The following RFLNA variants were observed in gnomAD, a reference collection of about 807,000 sequenced individuals.
RFLNA encodes the protein refilin-A.
RFLNA carries 5 observed loss-of-function variants against 7.8 expected under a neutral mutation model. The ratio of observed to expected loss-of-function variants is 0.64; its 90% confidence interval spans 0.34 to 1.35. The LOEUF (loss-of-function observed/expected upper bound fraction) is 1.35. RFLNA is among the 40% of genes most tolerant of loss of function. RFLNA has a pLI of 0.04. For missense variants in RFLNA, 278 were observed against 305.5 expected, an observed-to-expected ratio of 0.91 and a Z score of 0.67; for synonymous variants, 141 against 131.3, an observed-to-expected ratio of 1.07 and a Z score of -0.50.
intron 1 of RFLNA, among the ~76,000 whole-genome samples, chr12:124,303,055 G>GA (rs2034073713): frequency 6.6e-6 from 1 of 152,184 alleles, no homozygotes. Flanking sequence ...GCTCCTGGGT[G>GA]AAAGCTCATG....
At chr12:124,313,414 C>T (rs1036717801) in intron 2 of RFLNA, among the ~76,000 whole-genome samples, 3 of 152,196 alleles carry the variant, frequency 2.0e-5, no homozygotes, top group African/African-American at 7.2e-5. Flanking sequence ...CGTGGTGGCT[C>T]ATGCCTGTAA....
chr12:124,294,739 A>G (rs916097408), upstream of RFLNA, among the ~76,000 whole-genome samples: 9 of 152,256 alleles, frequency 5.9e-5, no homozygotes, highest in African/African-American at 1.9e-4. Context: ...TACAGAGAAA[A>G]AGAAAACTCT....
upstream of RFLNA, among the ~76,000 whole-genome samples, chr12:124,291,255 T>A (rs1490547889): frequency 6.6e-6 from 1 of 152,170 alleles, no homozygotes; most frequent in Non-Finnish European, 1.5e-5. Context: ...ATCTTTTATT[T>A]TATTAATTTA....
Position 124,302,813 on chromosome 12 carries a change from GGGGCCGAGGTCAGGGGCCGAGGTCAGA to G in RFLNA, c.207+7204_207+7230del, listed in dbSNP as rs1481037731. Among the ~76,000 whole-genome samples, 456 of 68,404 alleles carry G rather than the reference GGGGCCGAGGTCAGGGGCCGAGGTCAGA, an allele frequency of 6.7e-3. 5 individuals are homozygous for G. The highest frequency in any genetic ancestry group is 0.018 in the African/African-American group (435 of 24,102). 44.9% of individuals were successfully genotyped at this position (68,404 alleles called of 152,430 possible). ...GGGCCGAGGTCAGGGGCTGAGGTCA[GGGGCCGAGGTCAGGGGCCGAGGTCAGA>G]GGGCCGAGGTCAGGGGCCGAGGTCA... On this transcript the variant is annotated intron_variant, in intron 1 of 2. Coordinates refer to ENST00000546355, the MANE Select transcript of RFLNA (RefSeq NM_001365156.1).
At chr12:124,309,413 C>T (rs2034197354) in intron 1 of RFLNA, among the ~76,000 whole-genome samples, 1 of 152,220 alleles carries the variant, frequency 6.6e-6, no homozygotes, top group Admixed American at 6.5e-5. Flanking sequence ...CTGTTTGCCA[C>T]CATGGCAGCA....
At chr12:124,310,569 G>A (rs906962800) in intron 1 of RFLNA, among the ~76,000 whole-genome samples, 2 of 147,568 alleles carry the variant, frequency 1.4e-5, no homozygotes, top group Admixed American at 6.7e-5. Context: ...ACTTTCTGTT[G>A]AGGAGCAGGA....
intron 1 of RFLNA, among the ~76,000 whole-genome samples, chr12:124,303,609 C>G (rs1477919624): frequency 6.6e-6 from 1 of 152,202 alleles, no homozygotes; most frequent in African/African-American, 2.4e-5. Flanking sequence ...ACTTGTTCTC[C>G]CCTGTCCCAA....
chr12:124,296,261 G>C (rs2033925463), intron 1 of RFLNA, among the ~76,000 whole-genome samples: 1 of 146,268 alleles, frequency 6.8e-6, no homozygotes, highest in African/African-American at 2.5e-5. Context: ...AAGGCATGTT[G>C]ACGTGGAGCT....
chr12:124,304,529 CG>C (rs1566325300), intron 1 of RFLNA, among the ~76,000 whole-genome samples: 1 of 152,236 alleles, frequency 6.6e-6, no homozygotes, highest in Non-Finnish European at 1.5e-5. Context: ...TCGGCGCCCA[CG>C]TTCCAGGTGT....
chr12:124,314,263 C>T lies in RFLNA; in HGVS notation c.389C>T (p.Thr130Ile). The T allele has an allele frequency of 6.2e-7, 1 of 1,613,716 alleles. No individual in the cohort carries two copies. The highest frequency in any genetic ancestry group is 2.2e-5 in the East Asian group (1 of 44,888). Residue 130 changes from threonine to isoleucine, a missense_variant, in exon 3 of 3, where the codon ACC (threonine) becomes ATC (isoleucine). By Grantham distance (89) the Thr-to-Ile change is moderately conservative. Coordinates refer to ENST00000546355, the MANE Select transcript of RFLNA (RefSeq NM_001365156.1). ...AAGGTCTTCTATGCGCCCGTACCCA[C>T]CGTCACGGCCTACAGCGAGACCATC... ...QDKVFYAPVP[T>I]VTAYSETIVA...
At chr12:124,313,297 G>T (rs1346872399) in intron 2 of RFLNA, among the ~76,000 whole-genome samples, 1 of 152,194 alleles carries the variant, frequency 6.6e-6, no homozygotes, top group Non-Finnish European at 1.5e-5. Context: ...AGCTCTGGAC[G>T]TGGAACTGGG....
chr12:124,294,884 C>A (rs1231295940), upstream of RFLNA, among the ~76,000 whole-genome samples: 1 of 152,246 alleles, frequency 6.6e-6, no homozygotes, highest in Non-Finnish European at 1.5e-5. Context: ...AAGGCACCCT[C>A]GGTGCGCCAG....
chr12:124,307,794 T>A (rs2034162044), intron 1 of RFLNA, among the ~76,000 whole-genome samples: 1 of 152,084 alleles, frequency 6.6e-6, no homozygotes, highest in Non-Finnish European at 1.5e-5. Flanking sequence ...GAAACAGAAC[T>A]CTATTCTCGC....
intron 1 of RFLNA, among the ~76,000 whole-genome samples, chr12:124,303,606 C>G (rs1021825338): frequency 3.3e-5 from 5 of 152,216 alleles, no homozygotes; most frequent in Non-Finnish European, 7.3e-5. Flanking sequence ...AGCACTTGTT[C>G]TCCCCTGTCC....
intron 2 of RFLNA, 38 bp downstream of exon 2, chr12:124,311,965 T>C (rs143823493): frequency 0.077 from 23,446 of 305,472 alleles, 270 homozygotes; most frequent in African/African-American, 0.12. Flanking sequence ...GAGGAGGGGG[T>C]GGGGGGTTGG....
chr12:124,310,172 C>CAAAAAAAAAA lies in RFLNA; in HGVS notation c.208-1631_208-1622dup, dbSNP rs71088996. 1.1e-3 allele frequency among the ~76,000 whole-genome samples: 19 copies of CAAAAAAAAAA among 17,090 alleles called. 3 individuals are homozygous for CAAAAAAAAAA. The highest frequency in any genetic ancestry group is 1.2e-3 in the Non-Finnish European group (10 of 8,238). The allele number at this position is 17,090 out of a possible 152,430, so 11.2% of individuals were successfully genotyped here. On this transcript the variant is annotated intron_variant, in intron 1 of 2. Coordinates refer to ENST00000546355, the MANE Select transcript of RFLNA (RefSeq NM_001365156.1). The stretch of plus-strand genomic sequence containing the variant: ...TGGGTGACAGAGAGAGACTCTGTCT[C>CAAAAAAAAAA]AAAAAAAAAAAAAAAAAAAAAAAAG...
chr12:124,307,252 C>T (rs59505442), intron 1 of RFLNA, among the ~76,000 whole-genome samples: 7,513 of 152,270 alleles, frequency 0.049, 568 homozygotes, highest in African/African-American at 0.16. Context: ...CCGCTGCGCA[C>T]GGTGCCCCAC....
At chr12:124,298,417 G>A (rs1461303884) in intron 1 of RFLNA, among the ~76,000 whole-genome samples, 1 of 152,166 alleles carries the variant, frequency 6.6e-6, no homozygotes, top group Admixed American at 6.5e-5. Flanking sequence ...GGCCCTGGGG[G>A]CCAGGCTGGA....
At chr12:124,308,431 T>TC (rs1555295207) in intron 1 of RFLNA, among the ~76,000 whole-genome samples, 3 of 151,862 alleles carry the variant, frequency 2.0e-5, no homozygotes, top group Non-Finnish European at 4.4e-5. Context: ...ACATGGGCTT[T>TC]GGGGGGGGAC....
Sources: allele counts gnomAD v4.1 joint callset (sites outside exome capture counted in the v4.1 genomes callset), GRCh38; gene constraint gnomAD v4.1.1; transcripts MANE v1.5; gene names NCBI Gene and HGNC (gene_info 2026-07-23, HGNC 2026-07-21).